The following NSDHL variants were observed in gnomAD, a reference collection of about 807,000 sequenced individuals.
NSDHL encodes the protein sterol-4-alpha-carboxylate 3-dehydrogenase, decarboxylating.
A neutral mutation model predicts 23.0 loss-of-function variants in NSDHL; 1 was observed. The observed-to-expected ratio is 0.04, with a 90% confidence interval of 0.02 to 0.21. NSDHL has a LOEUF of 0.21. NSDHL is among the 10% of genes least tolerant of loss of function. NSDHL has a pLI of 1.00. For synonymous variants in NSDHL, 128 were observed against 121.1 expected (o/e 1.06, Z -0.37); for missense variants, 237 against 300.9 (o/e 0.79, Z 1.57).
At chrX:152,865,178 C>A (rs1315646069) in intron 5 of NSDHL, among the ~76,000 whole-genome samples, 1 of 112,556 alleles carries the variant, frequency 8.9e-6, no homozygotes, top group Admixed American at 9.4e-5. Flanking sequence ...CCTTTCCTTG[C>A]GGTGGCAACA....
chrX:152,866,402 C>T (rs782378518), intron 6 of NSDHL, among the ~76,000 whole-genome samples: 6 of 113,047 alleles, frequency 5.3e-5, no homozygotes, highest in South Asian at 3.6e-4. Flanking sequence ...AAGATTCAGG[C>T]GATAGCAGTG....
chrX:152,841,146 G>C (rs2125004433), intron 1 of NSDHL, among the ~76,000 whole-genome samples: 1 of 113,093 alleles, frequency 8.8e-6, no homozygotes, highest in East Asian at 2.8e-4. Flanking sequence ...TCTGCCAGTT[G>C]CTAAGACCGT....
At chrX:152,841,747 G>GT (rs1439718161) in intron 1 of NSDHL, among the ~76,000 whole-genome samples, 1 of 112,309 alleles carries the variant, frequency 8.9e-6, no homozygotes, top group Middle Eastern at 4.2e-3. Context: ...TTGGAGTCTT[G>GT]TTTTCAGTAG....
Position 152,846,194 on chromosome X carries a change from G to A in NSDHL, c.-43-88G>A, listed in dbSNP as rs1381433423. 3.3e-5 allele frequency: 18 copies of A among 549,514 alleles called. No homozygotes were observed. In the South Asian group the frequency reaches 3.6e-4, roughly 11 times the overall value. 45.3% of individuals were successfully genotyped at this position (549,514 alleles called of 1,213,427 possible). On this transcript the variant is annotated intron_variant, in intron 1 of 7. Transcript: ENST00000370274. ...TTCAGCTATTTGTAAAAACATGAAC[G>A]GGGGGATGGCATCTGCCCAAAACAC...
chrX:152,855,299 C>A (rs1031194038), intron 3 of NSDHL, among the ~76,000 whole-genome samples: 5 of 111,646 alleles, frequency 4.5e-5, no homozygotes, highest in African/African-American at 1.6e-4. Flanking sequence ...CCACCGCGCC[C>A]GGCCCATGAC....
intron 1 of NSDHL, among the ~76,000 whole-genome samples, chrX:152,832,871 T>A (rs1307002045): frequency 8.9e-6 from 1 of 111,782 alleles, no homozygotes; most frequent in Non-Finnish European, 1.9e-5. Context: ...TGAGCAGGTC[T>A]TCAGGCAGTA....
chrX:152,838,901 G>T (rs995028891), intron 1 of NSDHL, among the ~76,000 whole-genome samples: 1 of 111,625 alleles, frequency 9.0e-6, no homozygotes, highest in African/African-American at 3.3e-5. Context: ...AGTGGGGTGT[G>T]AAAGTCTCCC....
At chrX:152,853,358 C>T (rs1285508652) in intron 3 of NSDHL, among the ~76,000 whole-genome samples, 1 of 110,636 alleles carries the variant, frequency 9.0e-6, no homozygotes, top group Non-Finnish European at 1.9e-5. Context: ...ACCTTAGATT[C>T]ATCCCTGCCC....
At position 152,862,715 on chromosome X, in the gene NSDHL, A is replaced by G. The variant is rs782074528; in HGVS notation, c.534A>G (p.Leu178=). Residue 178 remains leucine (L), a synonymous_variant, in exon 5 of 8, where the codon TTA becomes TTG. Transcript: ENST00000370274. ...ACTACTACACAGAGACTAAGATCTT[A>G]CAGGAGAGGGTATGTACCTTGGAAC... ...PIDYYTETKI[L]QERAVLGAND... 1 of 1,209,356 alleles carries G rather than the reference A, an allele frequency of 8.3e-7. No homozygotes were observed. Among genetic ancestry groups the G allele is most frequent in the Admixed American group, 2.2e-5 (1 of 46,049 alleles).
chrX:152,860,421 A>G (rs1432432216), intron 4 of NSDHL, among the ~76,000 whole-genome samples: 1 of 111,746 alleles, frequency 8.9e-6, no homozygotes, highest in East Asian at 2.8e-4. Context: ...GGGGCATACA[A>G]CAAAGATTTG....
Position 152,858,752 on chromosome X carries a change from C to CT in NSDHL, c.268-15dup, listed in dbSNP as rs782031217. 61 of 1,205,762 alleles carry CT rather than the reference C, an allele frequency of 5.1e-5. No homozygotes were observed. In the African/African-American group the frequency reaches 1.0e-3, roughly 20 times the overall value. ...GTCAAAGCAGGAATGATTATTTTGT[C>CT]TTTCTTTGCTTTTCCAGGATCTGTA... is the stretch of plus-strand genomic sequence containing the variant. On this transcript the variant is annotated splice_polypyrimidine_tract_variant and intron_variant, in intron 3 of 7. Transcript: ENST00000370274.
chrX:152,868,438 G>A (rs1933646168), intron 7 of NSDHL, among the ~76,000 whole-genome samples: 1 of 112,194 alleles, frequency 8.9e-6, no homozygotes, highest in African/African-American at 3.2e-5. Context: ...TGGCCCGGGT[G>A]TGGCTTTTGA....
intron 1 of NSDHL, among the ~76,000 whole-genome samples, chrX:152,833,977 T>G (rs1191900480): frequency 8.9e-6 from 1 of 112,865 alleles, no homozygotes; most frequent in African/African-American, 3.2e-5. Context: ...GGGGTTTGTT[T>G]GAGCCTCACA....
At chrX:152,840,723 C>A (rs1322301949) in intron 1 of NSDHL, among the ~76,000 whole-genome samples, 3 of 112,179 alleles carry the variant, frequency 2.7e-5, no homozygotes, top group African/African-American at 9.7e-5. Flanking sequence ...GTCTGTCGGC[C>A]CCTACTGGGA....
At chrX:152,835,429 T>C (rs1368864520) in intron 1 of NSDHL, among the ~76,000 whole-genome samples, 1 of 109,258 alleles carries the variant, frequency 9.2e-6, no homozygotes, top group African/African-American at 3.3e-5. Flanking sequence ...ATTAGGTATA[T>C]CTCCTAATGC....
chrX:152,843,980 G>T (rs1556845213), intron 1 of NSDHL, among the ~76,000 whole-genome samples: 1 of 111,962 alleles, frequency 8.9e-6, no homozygotes, highest in African/African-American at 3.3e-5. Flanking sequence ...TTCCAGGACA[G>T]ATAGGACAGC....
At chrX:152,848,047 A>G (rs1933301495) in intron 2 of NSDHL, among the ~76,000 whole-genome samples, 1 of 109,939 alleles carries the variant, frequency 9.1e-6, no homozygotes, top group Non-Finnish European at 1.9e-5. Flanking sequence ...TATTTTTAGT[A>G]GAGACGGGAT....
chrX:152,856,478 C>G (rs1381181526), intron 3 of NSDHL, among the ~76,000 whole-genome samples: 1 of 111,718 alleles, frequency 9.0e-6, no homozygotes, highest in Non-Finnish European at 1.9e-5. Flanking sequence ...ACTTCTGATA[C>G]TCCAATAGTA....
chrX:152,843,429 T>A (rs782619895), intron 1 of NSDHL, among the ~76,000 whole-genome samples: 1 of 112,178 alleles, frequency 8.9e-6, no homozygotes, highest in Non-Finnish European at 1.9e-5. Context: ...AATCAAGGTG[T>A]TGACAAGGTT....
Sources: allele counts gnomAD v4.1 joint callset (sites outside exome capture counted in the v4.1 genomes callset), GRCh38; gene constraint gnomAD v4.1.1; transcripts MANE v1.5; gene names NCBI Gene and HGNC (gene_info 2026-07-23, HGNC 2026-07-21).